Variants in ABTB2 observed in about 807,000 individuals in gnomAD.
ABTB2 encodes the protein ankyrin repeat and BTB/POZ domain-containing protein 2.
ABTB2 carries 56 observed loss-of-function variants against 104.1 expected under a neutral mutation model. The ratio of observed to expected loss-of-function variants is 0.54; its 90% CI spans 0.43 to 0.67. The LOEUF is 0.67. ABTB2 is among the 30% of genes least tolerant of loss of function. The pLI, the probability that ABTB2 is intolerant of heterozygous loss-of-function variation, is 0.00. For synonymous variants in ABTB2, 606 were observed against 608.2 expected (o/e 1.00, Z 0.05); for missense variants, 1,279 against 1,407.7 (o/e 0.91, Z 1.46).
Position 34,308,465 on chromosome 11 carries a change from C to T in ABTB2, c.883+48236G>A, listed in dbSNP as rs79134138. 8.4e-3 allele frequency among the ~76,000 whole-genome samples: 1,281 copies of T among 152,230 alleles called. 17 individuals carry two copies. Among genetic ancestry groups the T allele is most frequent in the African/African-American group, 0.026 (1,092 of 41,526 alleles). The stretch of plus-strand genomic sequence containing the variant: ...GCCATTTAATATTGGGACCAACATT[C>T]GATCACATCTTGGGGTCACTCCCTG... On this transcript the variant is annotated intron_variant, in intron 1 of 16. Transcript: ENST00000435224.
At chr11:34,163,587 G>A (rs546575466) in intron 9 of ABTB2, among the ~76,000 whole-genome samples, 82 of 152,268 alleles carry the variant, frequency 5.4e-4, no homozygotes, top group Non-Finnish European at 7.2e-4. Flanking sequence ...ATGCAGCATG[G>A]GTGGTGCTGC....
In ABTB2 at chr11:34,160,240, G is replaced by A. The variant is rs371085454; in HGVS notation, c.2503+8C>T. 11 of 1,606,694 alleles carry A rather than the reference G, an allele frequency of 6.8e-6. No individual in the cohort carries two copies. Among genetic ancestry groups the A allele is most frequent in the South Asian group, 3.3e-5 (3 of 90,918 alleles). On this transcript the variant is annotated splice_region_variant and intron_variant, in intron 12 of 16. Transcript: ENST00000435224. ...TGGTGATGCAGGGCGCAGGGGGCGC[G>A]CCTTCACCTAGCCTGGCCGGCAGGG...
At chr11:34,273,878 C>T (rs543718356) in intron 1 of ABTB2, among the ~76,000 whole-genome samples, 13 of 152,144 alleles carry the variant, frequency 8.5e-5, no homozygotes, top group South Asian at 2.1e-4. Context: ...TTTGGCCGGG[C>T]GCGGTGGCTC....
At chr11:34,245,765 G>A (rs920214950) in intron 1 of ABTB2, among the ~76,000 whole-genome samples, 4 of 152,194 alleles carry the variant, frequency 2.6e-5, no homozygotes, top group African/African-American at 4.8e-5. Flanking sequence ...GAAGGGAAAT[G>A]GAAGCTCTTT....
At chr11:34,295,372 A>G (rs1011456994) in intron 1 of ABTB2, among the ~76,000 whole-genome samples, 2 of 152,176 alleles carry the variant, frequency 1.3e-5, no homozygotes, top group Non-Finnish European at 2.9e-5. Context: ...GAGGGCTGAC[A>G]GGGTATATGG....
chr11:34,318,611 C>T (rs184551130), intron 1 of ABTB2, among the ~76,000 whole-genome samples: 206 of 152,202 alleles, frequency 1.4e-3, no homozygotes, highest in African/African-American at 4.6e-3. Context: ...TACACAATGA[C>T]GTCATAATAA....
chr11:34,197,266 G>A lies in ABTB2; in HGVS notation c.1244+59C>T, dbSNP rs554541993. 1.6e-5 allele frequency: 25 copies of A among 1,561,802 alleles called. No individual in the cohort carries two copies. The East Asian group carries it at 2.2e-4, about 14-fold the overall frequency. On this transcript the variant is annotated intron_variant, in intron 3 of 16. Transcript: ENST00000435224. ...AGTCGTCAGTCAGTGTCAGTCAGTC[G>A]GTCAATGCACGTTTGGGAGCACGTC...
chr11:34,165,768 C>T (rs1018733210), intron 7 of ABTB2, among the ~76,000 whole-genome samples: 2 of 152,238 alleles, frequency 1.3e-5, no homozygotes, highest in Non-Finnish European at 2.9e-5. Context: ...TCAGTGCTGG[C>T]CACTGGCCAA....
rs1205583995 is a variant in ABTB2 at position 34,170,886 on chromosome 11, G to A, written c.1563+20C>T. 3 of 1,607,238 alleles carry A rather than the reference G, an allele frequency of 1.9e-6. No homozygotes were observed. The highest frequency in any genetic ancestry group is 1.7e-6 in the Non-Finnish European group (2 of 1,175,876). On this transcript the variant is annotated intron_variant, in intron 5 of 16. Coordinates refer to ENST00000435224, the MANE Select transcript of ABTB2 (RefSeq NM_145804.3). ...AACTCTGGTCCTCGTGCCTGTCTTT[G>A]TGGAGCTCTCAGGACGTACCTGGTC...
intron 1 of ABTB2, among the ~76,000 whole-genome samples, chr11:34,263,847 C>G (rs191438791): frequency 6.6e-6 from 1 of 152,166 alleles, no homozygotes; most frequent in Non-Finnish European, 1.5e-5. Flanking sequence ...TCCTCAGGCC[C>G]GACCCCAGTC....
rs141200735 is a variant in ABTB2 at position 34,347,872 on chromosome 11, C to T, written c.883+8829G>A. Among the ~76,000 whole-genome samples the T allele has an allele frequency of 3.0e-3, 456 of 152,190 alleles. 3 individuals carry two copies. The highest frequency in any genetic ancestry group is 0.01 in the African/African-American group (429 of 41,538). On this transcript the variant is annotated intron_variant, in intron 1 of 16. Transcript: ENST00000435224. ...GAAGTCGAATATCGTATACATCAGTCGGACTTAACACCGAAAAAAAAAAGT... is the reference window on the plus strand; with the variant it reads ...GAAGTCGAATATCGTATACATCAGTTGGACTTAACACCGAAAAAAAAAAGT...
intron 1 of ABTB2, among the ~76,000 whole-genome samples, chr11:34,213,425 A>G (rs1262450801): frequency 1.3e-5 from 2 of 152,184 alleles, no homozygotes; most frequent in Non-Finnish European, 2.9e-5. Context: ...GGTTGCAGTG[A>G]GCCGAGATCG....
At chr11:34,241,497 C>T (rs1853915124) in intron 1 of ABTB2, among the ~76,000 whole-genome samples, 1 of 152,182 alleles carries the variant, frequency 6.6e-6, no homozygotes, top group Admixed American at 6.5e-5. Flanking sequence ...TAATGATCCA[C>T]AGGGTATCTC....
chr11:34,264,562 T>G (rs1044498501), intron 1 of ABTB2, among the ~76,000 whole-genome samples: 1 of 152,230 alleles, frequency 6.6e-6, no homozygotes, highest in African/African-American at 2.4e-5. Context: ...TTAGCTGAGT[T>G]GGGTGGTTAC....
intron 3 of ABTB2, among the ~76,000 whole-genome samples, chr11:34,184,996 C>T (rs924873220): frequency 4.6e-5 from 7 of 152,220 alleles, no homozygotes; most frequent in Admixed American, 1.3e-4. Flanking sequence ...AGAAGACAGA[C>T]GTGGGAGGAC....
At chr11:34,336,477 T>TA (rs959805380) in intron 1 of ABTB2, among the ~76,000 whole-genome samples, 2 of 151,998 alleles carry the variant, frequency 1.3e-5, no homozygotes, top group African/African-American at 2.4e-5. Flanking sequence ...CTTATCTCTA[T>TA]AAAAAATTTT....
intron 1 of ABTB2, among the ~76,000 whole-genome samples, chr11:34,284,119 G>A (rs1380147454): frequency 2.0e-5 from 3 of 152,214 alleles, no homozygotes; most frequent in South Asian, 2.1e-4. Flanking sequence ...AGGTAATGCC[G>A]ATGCTGCTGG....
chr11:34,231,991 A>G (rs923664856), intron 1 of ABTB2, among the ~76,000 whole-genome samples: 2 of 152,214 alleles, frequency 1.3e-5, no homozygotes, highest in Non-Finnish European at 2.9e-5. Flanking sequence ...AGGACATATA[A>G]CAACTAAATA....
chr11:34,174,413 T>C (rs1852935117), intron 3 of ABTB2, among the ~76,000 whole-genome samples: 1 of 150,492 alleles, frequency 6.6e-6, no homozygotes, highest in Non-Finnish European at 1.5e-5. Context: ...GGTCCGAGTA[T>C]CACTAAGAGC....
Sources: allele counts gnomAD v4.1 joint callset (sites outside exome capture counted in the v4.1 genomes callset), GRCh38; gene constraint gnomAD v4.1.1; transcripts MANE v1.5; gene names NCBI Gene and HGNC (gene_info 2026-07-23, HGNC 2026-07-21).